Variants in RASAL2 observed in about 807,000 individuals in gnomAD.
RASAL2 encodes RAS protein activator like 2.
Under a neutral mutation model 128.9 loss-of-function variants are expected in RASAL2, and 58 were observed. The observed-to-expected ratio is 0.45, with a 90% confidence interval of 0.36 to 0.56. The LOEUF (loss-of-function observed/expected upper bound fraction) is 0.56. Ranked by LOEUF, RASAL2 falls within the 20% of genes least tolerant of loss-of-function variation. The pLI, the probability that RASAL2 is intolerant of heterozygous loss-of-function variation, is 0.00. For missense variants in RASAL2, 1,360 were observed against 1,601.6 expected (o/e 0.85, Z 2.57); for synonymous variants, 561 against 580.8 (o/e 0.97, Z 0.49).
At chr1:178,174,357 T>A (rs1414678458) in intron 1 of RASAL2, among the ~76,000 whole-genome samples, 1 of 152,098 alleles carries the variant, frequency 6.6e-6, no homozygotes, top group East Asian at 1.9e-4. Flanking sequence ...TCATTTTTTA[T>A]TTACTGTCCA....
intron 1 of RASAL2, among the ~76,000 whole-genome samples, chr1:178,240,988 C>G (rs557088209): frequency 2.0e-5 from 3 of 151,390 alleles, no homozygotes; most frequent in African/African-American, 7.3e-5. Context: ...CTGGTGTATC[C>G]TACTGTCACA....
intron 2 of RASAL2, among the ~76,000 whole-genome samples, chr1:178,284,496 A>G (rs1666928091): frequency 6.6e-6 from 1 of 152,236 alleles, no homozygotes; most frequent in African/African-American, 2.4e-5. Context: ...GGCGAGGTAG[A>G]CAGAATGTAA....
chr1:178,142,766 C>T (rs1321319395), intron 1 of RASAL2, among the ~76,000 whole-genome samples: 3 of 152,094 alleles, frequency 2.0e-5, no homozygotes, highest in Admixed American at 6.5e-5. Flanking sequence ...CTGTAAACCT[C>T]GGGGAAGTCC....
chr1:178,439,361 TA>T (rs1316866980), intron 5 of RASAL2, 60 bp from the exon 6 acceptor site: 1 of 1,453,188 alleles, frequency 6.9e-7, no homozygotes, highest in East Asian at 2.3e-5. Flanking sequence ...TCCATTGCAT[TA>T]GACCTTCATT....
At chr1:178,341,416 T>C (rs1000680600) in intron 3 of RASAL2, 6 of 1,417,868 alleles carry the variant, frequency 4.2e-6, no homozygotes, top group Admixed American at 2.9e-5. Flanking sequence ...GGGGCGAGGA[T>C]TGAGTTTAAC....
At chr1:178,380,651 T>G (rs1245475774) in intron 3 of RASAL2, among the ~76,000 whole-genome samples, 1 of 152,212 alleles carries the variant, frequency 6.6e-6, no homozygotes, top group African/African-American at 2.4e-5. Context: ...TTGCCATTAT[T>G]TATTATCTTT....
chr1:178,427,344 A>T (rs1390499236), intron 5 of RASAL2, among the ~76,000 whole-genome samples: 1 of 152,166 alleles, frequency 6.6e-6, no homozygotes, highest in African/African-American at 2.4e-5. Context: ...AATTTACCAA[A>T]GACTAAAGGT....
rs1182052304 is a variant in RASAL2 at position 178,384,663 on chromosome 1, C to CA, written c.458-5424dup. Among the ~76,000 whole-genome samples the CA allele has an allele frequency of 3.6e-3, 353 of 98,814 alleles. 1 individual carries two copies. The highest frequency in any genetic ancestry group is 6.1e-3 in the African/African-American group (167 of 27,464). 64.8% of individuals were successfully genotyped at this position (98,814 alleles called of 152,430 possible). A position where few individuals can be genotyped will look rare whatever the true frequency, so the allele number is the denominator to read the frequency against. The stretch of plus-strand genomic sequence containing the variant: ...AGCTTGGGAGACTGAGTCCATGTCT[C>CA]AAAAAAAAAAAAACACACACACACA... On this transcript the variant is annotated intron_variant, in intron 3 of 17. Coordinates refer to ENST00000367649, the MANE Select transcript of RASAL2 (RefSeq NM_170692.4).
intron 2 of RASAL2, among the ~76,000 whole-genome samples, chr1:178,291,327 C>A (rs182664836): frequency 6.6e-6 from 1 of 152,256 alleles, no homozygotes; most frequent in Non-Finnish European, 1.5e-5. Flanking sequence ...CGGAAATGAT[C>A]TGGACCAGGG....
chr1:178,175,674 T>C (rs1274697605), intron 1 of RASAL2, among the ~76,000 whole-genome samples: 1 of 151,854 alleles, frequency 6.6e-6, no homozygotes, highest in Admixed American at 6.6e-5. Context: ...GTAGGTTTTT[T>C]TTTTTGTCTC....
chr1:178,433,310 C>T (rs1007131026), intron 5 of RASAL2, among the ~76,000 whole-genome samples: 3 of 152,052 alleles, frequency 2.0e-5, no homozygotes, highest in Non-Finnish European at 4.4e-5. Flanking sequence ...TTCTCTGAAC[C>T]ACCCCCACCT....
At chr1:178,324,299 A>C (rs1277329650) in intron 3 of RASAL2, among the ~76,000 whole-genome samples, 1 of 152,096 alleles carries the variant, frequency 6.6e-6, no homozygotes, top group Non-Finnish European at 1.5e-5. Context: ...TCACTTCTGT[A>C]ATCCCAACTA....
chr1:178,203,737 G>A (rs1262887434), intron 1 of RASAL2, among the ~76,000 whole-genome samples: 3 of 152,228 alleles, frequency 2.0e-5, no homozygotes, highest in Admixed American at 6.5e-5. Context: ...AAGTTACTGT[G>A]TTGGCTGGGG....
At chr1:178,453,849 T>G (rs1677569885) in intron 11 of RASAL2, among the ~76,000 whole-genome samples, 1 of 152,110 alleles carries the variant, frequency 6.6e-6, no homozygotes, top group Non-Finnish European at 1.5e-5. Context: ...CTAGTATAAG[T>G]GGTGGCTTTT....
chr1:178,456,448 T>G, intron 12 of RASAL2: 2 of 513,478 alleles, frequency 3.9e-6, no homozygotes, highest in East Asian at 3.3e-5. Context: ...GTTTTGAGCA[T>G]GTCTTTTAAT....
intron 1 of RASAL2, among the ~76,000 whole-genome samples, chr1:178,156,889 A>T (rs971742310): frequency 6.6e-6 from 1 of 152,178 alleles, no homozygotes; most frequent in African/African-American, 2.4e-5. Context: ...TATGCATAAA[A>T]TCCTCATCAG....
At chr1:178,124,197 G>T (rs1659811481) in intron 1 of RASAL2, among the ~76,000 whole-genome samples, 1 of 152,148 alleles carries the variant, frequency 6.6e-6, no homozygotes, top group South Asian at 2.1e-4. Flanking sequence ...ATGTAGAGAG[G>T]ATAGGAGAGA....
intron 1 of RASAL2, among the ~76,000 whole-genome samples, chr1:178,241,982 C>G (rs1162826755): frequency 1.3e-5 from 2 of 152,188 alleles, no homozygotes; most frequent in Non-Finnish European, 2.9e-5. Flanking sequence ...GGTCAGAGCA[C>G]AAGGATGGAG....
chr1:178,372,386 T>C (rs529832210), intron 3 of RASAL2: 3 of 966,324 alleles, frequency 3.1e-6, no homozygotes, highest in South Asian at 9.6e-5. Flanking sequence ...CTTTTGGGAA[T>C]AGGACCCCAA....
Sources: gnomAD v4.1 joint callset for allele counts (sites outside exome capture counted in the v4.1 genomes callset) on GRCh38, gnomAD v4.1.1 for gene constraint, MANE v1.5 for transcripts, NCBI Gene and HGNC (gene_info 2026-07-23, HGNC 2026-07-21) for gene names.